MGAM: variants seen among roughly 807,000 people sequenced by gnomAD.
The protein encoded by MGAM is alpha-1,4-glucosidase.
In MGAM, 253 loss-of-function variants were observed where a neutral mutation model predicts 358.8. The observed-to-expected ratio is 0.71, with a 90% confidence interval of 0.64 to 0.78. The LOEUF (loss-of-function observed/expected upper bound fraction) is 0.78, where lower values mean the gene tolerates loss of function less well. MGAM is among the 30% of genes least tolerant of loss of function. The probability of loss-of-function intolerance (pLI) is 0.00; values close to 1 mark genes in which losing one functional copy is unlikely to be tolerated. For missense variants in MGAM, 3,080 were observed against 3,432.6 expected, an observed-to-expected ratio of 0.90 and a Z score of 2.57; for synonymous variants, 1,105 against 1,227.1, an observed-to-expected ratio of 0.90 and a Z score of 2.08.
intron 1 of MGAM, among the ~76,000 whole-genome samples, chr7:141,997,307 G>A (rs1463599594): frequency 2.6e-5 from 4 of 152,154 alleles, no homozygotes; most frequent in African/African-American, 9.7e-5. Flanking sequence ...TGTGCAAAGA[G>A]GGGGTGAGAT....
intron 53 of MGAM, 133 bp downstream of exon 53, chr7:142,083,546 GGAAA>G (rs1326434824): frequency 1.4e-6 from 1 of 714,746 alleles, no homozygotes; most frequent in East Asian, 2.8e-5. Context: ...TATAGAATAA[GGAAA>G]AATAAATACA....
intron 49 of MGAM, among the ~76,000 whole-genome samples, chr7:142,079,849 C>T (rs1428795487): frequency 1.4e-5 from 2 of 146,316 alleles, no homozygotes; most frequent in Non-Finnish European, 3.1e-5. Flanking sequence ...TCGTCTAATG[C>T]AGGGATGATG....
chr7:142,050,466 C>T (rs1316550586), intron 23 of MGAM, among the ~76,000 whole-genome samples, 182 bp downstream of exon 23: 1 of 152,172 alleles, frequency 6.6e-6, no homozygotes, highest in Non-Finnish European at 1.5e-5. Context: ...ATTAATATAG[C>T]AGCTAGTGTT....
intron 15 of MGAM, 95 bp from the exon 16 acceptor site, chr7:142,034,575 A>G: frequency 8.5e-7 from 1 of 1,179,660 alleles, no homozygotes; most frequent in Non-Finnish European, 1.2e-6. Flanking sequence ...AGAATGGGTT[A>G]TTCACTTTTA....
intron 21 of MGAM, among the ~76,000 whole-genome samples, chr7:142,045,643 A>C (rs1810192875): frequency 9.4e-6 from 1 of 106,458 alleles, no homozygotes; most frequent in Non-Finnish European, 1.7e-5. Context: ...AATATATAAT[A>C]TATATTATAT....
chr7:142,034,465 T>C, intron 15 of MGAM, 86 bp downstream of exon 15: 1 of 1,087,584 alleles, frequency 9.2e-7, no homozygotes, highest in Non-Finnish European at 1.3e-6. Context: ...ATGGGGCTAA[T>C]GCATAAAATT....
intron 3 of MGAM, among the ~76,000 whole-genome samples, chr7:142,013,386 C>A (rs542231815): frequency 3.3e-5 from 5 of 152,280 alleles, no homozygotes; most frequent in African/African-American, 1.2e-4. Context: ...GTCCTTTTAA[C>A]CAGCTTGCAT....
chr7:142,005,748 G>A (rs1805106896), intron 2 of MGAM, 91 bp downstream of exon 2: 4 of 1,311,230 alleles, frequency 3.1e-6, no homozygotes, highest in Non-Finnish European at 3.1e-6. Context: ...TCATGCTCAT[G>A]TGTGTATGTG....
intron 33 of MGAM, 82 bp from the exon 34 acceptor site, chr7:142,060,229 G>T (rs1295391057): frequency 1.8e-4 from 280 of 1,556,308 alleles, no homozygotes; most frequent in Middle Eastern, 5.1e-4. Flanking sequence ...CTAGGAGCAC[G>T]GTTTGTATAA....
At chr7:141,986,526 T>C (rs782431443) in intron 2 of MGAM, among the ~76,000 whole-genome samples, 29 of 152,168 alleles carry the variant, frequency 1.9e-4, no homozygotes, top group Non-Finnish European at 3.5e-4. Flanking sequence ...ACAGAGACCG[T>C]ACATGGCTGT....
intron 21 of MGAM, among the ~76,000 whole-genome samples, chr7:142,043,851 G>C (rs1465513829): frequency 1.3e-4 from 14 of 109,444 alleles, no homozygotes; most frequent in Non-Finnish European, 2.5e-4. Context: ...CACATACGAC[G>C]TATAATATAT....
At chr7:142,079,911 A>T (rs562524014) in intron 49 of MGAM, among the ~76,000 whole-genome samples, 1 of 146,394 alleles carries the variant, frequency 6.8e-6, no homozygotes, top group Non-Finnish European at 1.5e-5. Context: ...TAGGCACCTA[A>T]TGGGTTTGAA....
rs1359420616 is a variant in MGAM, at chr7:142,027,987, C to T, written c.1221+252C>T. 4.0e-5 allele frequency among the ~76,000 whole-genome samples: 6 copies of T among 151,788 alleles called. No homozygotes were observed. The East Asian group carries it at 1.2e-3, about 29-fold the overall frequency. ...GTGTTGGGAGGCAATCTGTTTTTGT[C>T]TCTATTTTTCTTATTATGTATTTTA... On this transcript the variant is annotated intron_variant, in intron 10 of 70. Transcript: ENST00000475668.
chr7:142,076,905 G>T, intron 47 of MGAM, 79 bp downstream of exon 47: 2 of 1,445,538 alleles, frequency 1.4e-6, no homozygotes, highest in South Asian at 1.2e-5. Flanking sequence ...AAGTTTGCAT[G>T]GGTCCCTGAA....
Position 142,054,742 on chromosome 7 carries a change from C to T in MGAM, c.3160-12C>T. On this transcript the variant is annotated splice_polypyrimidine_tract_variant and intron_variant, in intron 26 of 70. Coordinates refer to ENST00000475668, the MANE Select transcript of MGAM (RefSeq NM_001365693.1). ...TAGTATTGTTGCCTAAAATTGATTT[C>T]CTCTGGCCTAGATTTATGATCCCAA... is the stretch of plus-strand genomic sequence containing the variant. The T allele has an allele frequency of 6.2e-7, 1 of 1,613,248 alleles. No individual in the cohort carries two copies. The highest frequency in any genetic ancestry group is 8.5e-7 in the Non-Finnish European group (1 of 1,179,484).
intron 7 of MGAM, among the ~76,000 whole-genome samples, chr7:142,024,771 C>T (rs559586834): frequency 6.6e-6 from 1 of 152,300 alleles, no homozygotes; most frequent in Non-Finnish European, 1.5e-5. Flanking sequence ...TTCTGAATTA[C>T]ATTTTAAAAA....
Position 142,039,130 on chromosome 7 carries a change from G to T in MGAM, c.2316+515G>T, listed in dbSNP as rs1262120998. ...TTTTTTTTTTTTTTTTTTTGAGATG[G>T]AGTCTCACTCTGTCACCCAGGCTGG... On this transcript the variant is annotated intron_variant, in intron 19 of 70. Transcript: ENST00000475668. Among the ~76,000 whole-genome samples, 7 of 144,038 alleles carry T rather than the reference G, an allele frequency of 4.9e-5. No homozygotes were observed. In the South Asian group the frequency reaches 1.3e-3, roughly 27 times the overall value. 94.5% of individuals were successfully genotyped at this position (144,038 alleles called of 152,430 possible).
At position 142,056,108 on chromosome 7, in the gene MGAM, A is replaced by G; in HGVS notation, c.3580+12A>G. ...CAGCAATGCCATGGGTAAGGCCATC[A>G]GCACCTCCCTTATTTTGGGGGGATA... On this transcript the variant is annotated intron_variant, in intron 29 of 70. Transcript: ENST00000475668. 2 of 1,591,440 alleles carry G rather than the reference A, an allele frequency of 1.3e-6. No individual in the cohort carries two copies. Among genetic ancestry groups the G allele is most frequent in the Non-Finnish European group, 1.7e-6 (2 of 1,168,020 alleles).
Position 142,103,301 on chromosome 7 carries a change from T to C in MGAM, c.8046T>C (p.Asn2682=). The stretch of plus-strand genomic sequence containing the variant: ...TGCAAAGCCATATAATTTTCAACAA[T>C]TACATCACTGGTACAAATCCTTTGA... The part of the protein sequence containing the change: ...NTMQSHIIFN[N]YITGTNPLKL... Residue 2682 remains asparagine, a synonymous_variant, in exon 70 of 71, where the codon AAT becomes AAC. Coordinates refer to ENST00000475668, the MANE Select transcript of MGAM (RefSeq NM_001365693.1). 1 of 1,611,316 alleles carries C rather than the reference T, an allele frequency of 6.2e-7. No homozygotes were observed. The highest frequency in any genetic ancestry group is 8.5e-7 in the Non-Finnish European group (1 of 1,178,872).
Sources: gnomAD v4.1 joint callset for allele counts (sites outside exome capture counted in the v4.1 genomes callset) on GRCh38, gnomAD v4.1.1 for gene constraint, MANE v1.5 for transcripts, NCBI Gene and HGNC (gene_info 2026-07-23, HGNC 2026-07-21) for gene names.